Variants in GRID2 observed in about 807,000 individuals in gnomAD.
The protein encoded by GRID2 is glutamate receptor ionotropic, delta-2.
A neutral mutation model predicts 114.8 loss-of-function variants in GRID2; 33 were observed. That is an observed-to-expected ratio of 0.29 (90% CI 0.22 to 0.38). The LOEUF is 0.38. GRID2 is among the 10% of genes least tolerant of loss of function. GRID2 has a pLI of 1.00. For missense variants in GRID2, 1,184 were observed against 1,257.7 expected, an observed-to-expected ratio of 0.94 and a Z score of 0.89; for synonymous variants, 505 against 449.9, an observed-to-expected ratio of 1.12 and a Z score of -1.55.
At chr4:93,725,461 T>C (rs1483423491) in intron 14 of GRID2, among the ~76,000 whole-genome samples, 1 of 152,152 alleles carries the variant, frequency 6.6e-6, no homozygotes, top group Admixed American at 6.5e-5. Context: ...CATGTGTCTT[T>C]ATAGCAGCAT....
intron 8 of GRID2, among the ~76,000 whole-genome samples, chr4:93,360,421 G>C (rs548543577): frequency 6.6e-6 from 1 of 151,846 alleles, no homozygotes; most frequent in Non-Finnish European, 1.5e-5. Flanking sequence ...TATTTCATCT[G>C]AGATCAATTT....
At chr4:93,243,171 CA>C (rs768670759) in intron 8 of GRID2, among the ~76,000 whole-genome samples, 15 of 151,918 alleles carry the variant, frequency 9.9e-5, no homozygotes, top group Admixed American at 3.9e-4. Context: ...TTTTATAACT[CA>C]ATTATTTTTC....
chr4:92,803,658 C>A (rs1474181310), intron 2 of GRID2, among the ~76,000 whole-genome samples: 1 of 151,926 alleles, frequency 6.6e-6, no homozygotes, highest in Admixed American at 6.6e-5. Flanking sequence ...ATTTTTGCTT[C>A]TATCTGGAGC....
At chr4:93,331,437 A>G (rs996507010) in intron 8 of GRID2, among the ~76,000 whole-genome samples, 2 of 151,882 alleles carry the variant, frequency 1.3e-5, no homozygotes, top group Non-Finnish European at 2.9e-5. Flanking sequence ...CATGGCCTCA[A>G]CACTCCTGAT....
intron 1 of GRID2, among the ~76,000 whole-genome samples, chr4:92,575,425 A>G (rs1393844019): frequency 6.6e-6 from 1 of 152,082 alleles, no homozygotes; most frequent in Non-Finnish European, 1.5e-5. Context: ...TGTTTTTGCA[A>G]TGGTTCTTTC....
intron 1 of GRID2, among the ~76,000 whole-genome samples, chr4:92,506,599 T>C (rs1723983115): frequency 7.1e-6 from 1 of 141,252 alleles, no homozygotes; most frequent in African/African-American, 2.5e-5. Flanking sequence ...AGCTTGAAAA[T>C]TGTCTTTTTT....
chr4:93,612,133 C>T (rs1188832904), intron 13 of GRID2, among the ~76,000 whole-genome samples: 3 of 151,840 alleles, frequency 2.0e-5, no homozygotes, highest in Non-Finnish European at 2.9e-5. Context: ...AGGATTGCAA[C>T]CCCTGCCTTT....
intron 14 of GRID2, among the ~76,000 whole-genome samples, chr4:93,715,752 G>T (rs1264794595): frequency 1.3e-5 from 2 of 152,116 alleles, no homozygotes; most frequent in African/African-American, 4.8e-5. Context: ...TGGCGTATAG[G>T]AATGCTAGTG....
At chr4:92,598,770 C>A (rs1729067892) in intron 2 of GRID2, among the ~76,000 whole-genome samples, 2 of 152,106 alleles carry the variant, frequency 1.3e-5, no homozygotes, top group South Asian at 4.1e-4. Context: ...GGTTCCTCCA[C>A]TAATCTAATT....
At chr4:93,797,903 A>G (rs1734839489) in intron 1 of GRID2, among the ~76,000 whole-genome samples, 1 of 151,278 alleles carries the variant, frequency 6.6e-6, no homozygotes, top group Non-Finnish European at 1.5e-5. Context: ...CTGTAATCCC[A>G]GTACTTTGGG....
chr4:92,782,250 T>C (rs1739115836), intron 2 of GRID2, among the ~76,000 whole-genome samples: 1 of 152,078 alleles, frequency 6.6e-6, no homozygotes, highest in African/African-American at 2.4e-5. Context: ...ATTGGTACTT[T>C]GAGAGCTCTC....
chr4:93,616,010 G>T (rs1741601079), intron 13 of GRID2, among the ~76,000 whole-genome samples: 1 of 152,064 alleles, frequency 6.6e-6, no homozygotes, highest in Non-Finnish European at 1.5e-5. Context: ...ATGGTTTTAT[G>T]ATAGTCCAAC....
chr4:93,308,301 T>C (rs530481730), intron 8 of GRID2, among the ~76,000 whole-genome samples: 3 of 152,306 alleles, frequency 2.0e-5, no homozygotes, highest in South Asian at 2.1e-4. Context: ...CTGTGTTTTG[T>C]GGTTTCGAAA....
chr4:92,588,240 A>G (rs137945104), intron 1 of GRID2, among the ~76,000 whole-genome samples: 49 of 152,272 alleles, frequency 3.2e-4, no homozygotes, highest in African/African-American at 1.1e-3. Flanking sequence ...AAGAGCTTAG[A>G]TTAAAAAGCA....
At chr4:93,034,958 C>T (rs1252936720) in intron 2 of GRID2, among the ~76,000 whole-genome samples, 1 of 152,122 alleles carries the variant, frequency 6.6e-6, no homozygotes, top group Non-Finnish European at 1.5e-5. Context: ...AACATAGTCA[C>T]CATTCAGCAA....
chr4:92,461,701 T>C (rs929125368), intron 1 of GRID2, among the ~76,000 whole-genome samples: 17 of 151,990 alleles, frequency 1.1e-4, no homozygotes, highest in African/African-American at 3.4e-4. Flanking sequence ...AGGGTTTTGT[T>C]GTTGTTGTTG....
chr4:93,756,238 G>C lies in GRID2; in HGVS notation c.2361-12972G>C, dbSNP rs542732241. On this transcript the variant is annotated intron_variant, in intron 14 of 15. Coordinates refer to ENST00000282020, the MANE Select transcript of GRID2 (RefSeq NM_001510.4). Reference sequence around the variant, plus strand: ...ATGATTCAGAGGGAGAAGGAGGAAAGTCAGAAGGAACATTCCAAAATTGGA... The same window carrying C: ...ATGATTCAGAGGGAGAAGGAGGAAACTCAGAAGGAACATTCCAAAATTGGA... Among the ~76,000 whole-genome samples the C allele has an allele frequency of 2.6e-5, 4 of 152,316 alleles. No individual in the cohort carries two copies. The South Asian group carries it at 6.2e-4, about 24-fold the overall frequency.
At chr4:93,490,866 T>A in intron 12 of GRID2, 89 bp downstream of exon 12, 1 of 839,376 alleles carries the variant, frequency 1.2e-6, no homozygotes, top group Non-Finnish European at 1.9e-6. Context: ...TGGTGTCTCA[T>A]AATAAATGTA....
At chr4:92,635,364 A>ATATT (rs1476172379) in intron 2 of GRID2, among the ~76,000 whole-genome samples, 8 of 151,980 alleles carry the variant, frequency 5.3e-5, no homozygotes, top group African/African-American at 1.9e-4. Flanking sequence ...TAACTTAGAT[A>ATATT]TATTTGCTGT....
Sources: gnomAD v4.1 joint callset for allele counts (sites outside exome capture counted in the v4.1 genomes callset) on GRCh38, gnomAD v4.1.1 for gene constraint, MANE v1.5 for transcripts, NCBI Gene and HGNC (gene_info 2026-07-23, HGNC 2026-07-21) for gene names.